Variants in RPGRIP1 observed in about 807,000 individuals in gnomAD.
RPGRIP1 encodes X-linked retinitis pigmentosa GTPase regulator-interacting protein 1.
Under a neutral mutation model 157.9 loss-of-function variants are expected in RPGRIP1, and 128 were observed. The ratio of observed to expected loss-of-function variants is 0.81; its 90% CI spans 0.70 to 0.94. The LOEUF is 0.94. Ranked by LOEUF, RPGRIP1 falls within the 40% of genes least tolerant of loss-of-function variation. RPGRIP1 has a pLI of 0.00. For synonymous variants in RPGRIP1, 554 were observed against 571.6 expected (o/e 0.97, Z 0.44); for missense variants, 1,486 against 1,545.8 (o/e 0.96, Z 0.65).
rs1248880250 is a variant in RPGRIP1 at position 21,326,073 on chromosome 14, G to A, written c.2610G>A (p.Leu870=). ...ACCATTATCTGAGACGGGAGGCCTTGTCTATACATGTTTTTGATGATGAAG... is the reference window on the plus strand; with the variant it reads ...ACCATTATCTGAGACGGGAGGCCTTATCTATACATGTTTTTGATGATGAAG... The part of the protein sequence containing the change: ...DLDHYLRREA[L]SIHVFDDEDL... Residue 870 remains leucine (L), a synonymous_variant, in exon 17 of 25, where the codon TTG becomes TTA. Transcript: ENST00000400017. 5 of 1,613,840 alleles carry A rather than the reference G, an allele frequency of 3.1e-6. No individual in the cohort carries two copies. The highest frequency in any genetic ancestry group is 4.2e-6 in the Non-Finnish European group (5 of 1,179,790).
chr14:21,321,852 A>G lies in RPGRIP1; in HGVS notation c.1612-2A>G. 1 of 1,609,394 alleles carries G rather than the reference A, an allele frequency of 6.2e-7. No individual in the cohort carries two copies. The highest frequency in any genetic ancestry group is 8.5e-7 in the Non-Finnish European group (1 of 1,178,460). On this transcript the variant is annotated splice_acceptor_variant, in intron 13 of 24. Coordinates refer to ENST00000400017, the MANE Select transcript of RPGRIP1 (RefSeq NM_020366.4). LOFTEE classifies it high-confidence loss of function. Reference sequence around the variant, plus strand: ...AAAAGTTCAGACATTATTTTGTTTCAGGAGGAACTGGAGGCAATGATGACA... The same window carrying G: ...AAAAGTTCAGACATTATTTTGTTTCGGGAGGAACTGGAGGCAATGATGACA...
At chr14:21,311,765 G>A (rs1325991028) in intron 8 of RPGRIP1, 59 bp from the exon 9 acceptor site, 1 of 1,442,438 alleles carries the variant, frequency 6.9e-7, no homozygotes, top group South Asian at 1.3e-5. Context: ...GCTGGTGTCT[G>A]GAGACCACTC....
At chr14:21,281,966 G>A (rs1394710723) in intron 1 of RPGRIP1, among the ~76,000 whole-genome samples, 1 of 151,826 alleles carries the variant, frequency 6.6e-6, no homozygotes, top group Middle Eastern at 3.2e-3. Context: ...ATGGTGGCAG[G>A]TGCCTGTAAT....
chr14:21,351,031 G>A (rs1448183065), intron 24 of RPGRIP1, 73 bp from the exon 25 acceptor site: 1 of 802,462 alleles, frequency 1.2e-6, no homozygotes, highest in Non-Finnish European at 2.0e-6. Context: ...AGCATCCCCA[G>A]TACCTAACCT....
intron 17 of RPGRIP1, among the ~76,000 whole-genome samples, chr14:21,326,385 C>G (rs1248635050): frequency 6.6e-6 from 1 of 152,226 alleles, no homozygotes; most frequent in African/African-American, 2.4e-5. Context: ...TTTTCAGCCA[C>G]AAAGACAACA....
chr14:21,339,034 G>A (rs1265962411), intron 21 of RPGRIP1, among the ~76,000 whole-genome samples: 1 of 152,184 alleles, frequency 6.6e-6, no homozygotes, highest in Non-Finnish European at 1.5e-5. Flanking sequence ...TACTCAGGAG[G>A]TTGAGGCAGG....
At chr14:21,289,054 G>A (rs1176398639) in intron 2 of RPGRIP1, among the ~76,000 whole-genome samples, 5 of 152,080 alleles carry the variant, frequency 3.3e-5, no homozygotes, top group African/African-American at 7.2e-5. Context: ...AGGGCTGGGC[G>A]CAGTGGCTCA....
intron 1 of RPGRIP1, among the ~76,000 whole-genome samples, chr14:21,281,087 G>A (rs1440000806): frequency 6.7e-6 from 1 of 149,854 alleles, no homozygotes; most frequent in Non-Finnish European, 1.5e-5. Context: ...GCTCAATCTC[G>A]GCTCACTGCA....
chr14:21,324,940 A>G lies in RPGRIP1; in HGVS notation c.2085A>G (p.Gln695=), dbSNP rs1347212924. 1 of 1,614,018 alleles carries G rather than the reference A, an allele frequency of 6.2e-7. No homozygotes were observed. The highest frequency in any genetic ancestry group is 1.7e-5 in the Admixed American group (1 of 60,022). Residue 695 remains glutamine (Q), a synonymous_variant, in exon 15 of 25, where the codon CAA becomes CAG. Coordinates refer to ENST00000400017, the MANE Select transcript of RPGRIP1 (RefSeq NM_020366.4). ...ATTCGCTTTTCTTACACTACCTTCA[A>G]GAGGCTTCAGCCCGGCTTGACATAC... is the stretch of plus-strand genomic sequence containing the variant. ...ETDSLFLHYL[Q]EASARLDIHQ...
In RPGRIP1 at chr14:21,301,274, C is replaced by T. The variant is rs1025865898; in HGVS notation, c.490+37C>T. 3.2e-6 allele frequency: 5 copies of T among 1,557,464 alleles called. No individual in the cohort carries two copies. The East Asian group carries it at 9.6e-5, about 30-fold the overall frequency. Reference sequence around the variant, plus strand: ...GGCTACATCCCCTACAGGGCTAAGACACTGGGAAGGACTGATGTGCCAGCC... The same window carrying T: ...GGCTACATCCCCTACAGGGCTAAGATACTGGGAAGGACTGATGTGCCAGCC... On this transcript the variant is annotated intron_variant, in intron 4 of 24. Transcript: ENST00000400017.
chr14:21,328,023 A>G (rs1192478164), intron 18 of RPGRIP1, among the ~76,000 whole-genome samples: 2 of 152,220 alleles, frequency 1.3e-5, no homozygotes, highest in East Asian at 3.9e-4. Context: ...ACAAAAAATT[A>G]GCTGGGCGTG....
In RPGRIP1 at chr14:21,300,955, T is replaced by C. The variant is rs1318104097; in HGVS notation, c.219-11T>C. The C allele has an allele frequency of 1.2e-6, 2 of 1,611,166 alleles. No individual in the cohort carries two copies. Among genetic ancestry groups the C allele is most frequent in the South Asian group, 1.1e-5 (1 of 90,964 alleles). On this transcript the variant is annotated splice_polypyrimidine_tract_variant and intron_variant, in intron 3 of 24. Coordinates refer to ENST00000400017, the MANE Select transcript of RPGRIP1 (RefSeq NM_020366.4). ...ATGAAAGGAGAAGCCACGTGCTCTA[T>C]TTGTCCACAGGCTGAGGACCACCTT...
At chr14:21,313,571 C>T (rs1046158425) in intron 10 of RPGRIP1, among the ~76,000 whole-genome samples, 43 of 152,126 alleles carry the variant, frequency 2.8e-4, no homozygotes, top group Non-Finnish European at 1.9e-4. Context: ...GGCCAGATCA[C>T]GAGGTCAGGA....
intron 1 of RPGRIP1, among the ~76,000 whole-genome samples, chr14:21,286,502 A>C (rs1594368396): frequency 6.6e-6 from 1 of 151,986 alleles, no homozygotes; most frequent in East Asian, 1.9e-4. Context: ...ATGTTTAAAA[A>C]AATAAGAAAT....
At chr14:21,308,870 T>C (rs1881429649) in intron 7 of RPGRIP1, among the ~76,000 whole-genome samples, 1 of 152,090 alleles carries the variant, frequency 6.6e-6, no homozygotes, top group South Asian at 2.1e-4. Context: ...ATGTAGCCTG[T>C]GGAAAAAACT....
intron 2 of RPGRIP1, among the ~76,000 whole-genome samples, chr14:21,291,028 C>T (rs1465555247): frequency 6.6e-6 from 1 of 150,962 alleles, no homozygotes; most frequent in Non-Finnish European, 1.5e-5. Flanking sequence ...GATTCTTTCT[C>T]GTTATGGTTT....
rs1442705881 is a variant in RPGRIP1 at position 21,301,171 on chromosome 14, C to T, written c.424C>T (p.Arg142Cys). ...GPASPRRAQP[R>C]VQVGHRQLHT... ...TGCCAGCCCCCGCCGCGCCCAGCCT[C>T]GCGTCCAAGTGGGACACAGACAGCT... is the stretch of plus-strand genomic sequence containing the variant. Residue 142 changes from arginine (R) to cysteine (C), a missense_variant, in exon 4 of 25, where the codon CGC becomes TGC. Transcript: ENST00000400017. The T allele has an allele frequency of 1.3e-6, 2 of 1,594,838 alleles. No individual in the cohort carries two copies. Among genetic ancestry groups the T allele is most frequent in the Non-Finnish European group, 1.7e-6 (2 of 1,171,262 alleles).
chr14:21,320,463 T>C (rs1882301622), intron 12 of RPGRIP1, among the ~76,000 whole-genome samples: 1 of 151,922 alleles, frequency 6.6e-6, no homozygotes, highest in Non-Finnish European at 1.5e-5. Flanking sequence ...GTTAATTTTT[T>C]TGTATTTTTA....
Position 21,317,450 on chromosome 14 carries a change from G to T in RPGRIP1, c.1152-246G>T, listed in dbSNP as rs539952647. ...GAGAAGTTCCTTGGGAAATGGATAT[G>T]ACTTGGGGTGTTTGCTCAGTCAGAT... On this transcript the variant is annotated intron_variant, in intron 10 of 24. Transcript: ENST00000400017. 4.6e-6 allele frequency: 4 copies of T among 867,714 alleles called. No homozygotes were observed. The South Asian group carries it at 7.6e-5, about 16-fold the overall frequency. 53.8% of individuals were successfully genotyped at this position (867,714 alleles called of 1,614,324 possible). A position where few individuals can be genotyped will look rare whatever the true frequency, so the allele number is the denominator to read the frequency against.
Sources: gnomAD v4.1 joint callset for allele counts (sites outside exome capture counted in the v4.1 genomes callset) on GRCh38, gnomAD v4.1.1 for gene constraint, MANE v1.5 for transcripts, NCBI Gene and HGNC (gene_info 2026-07-23, HGNC 2026-07-21) for gene names.